Variants in PPP1R14C observed in about 807,000 individuals in gnomAD.
PPP1R14C encodes the protein protein phosphatase 1 regulatory subunit 14C.
Under a neutral mutation model 20.4 loss-of-function variants are expected in PPP1R14C, and 16 were observed. The observed-to-expected ratio is 0.78, with a 90% confidence interval of 0.53 to 1.19. The LOEUF is 1.19. PPP1R14C is among the 50% of genes most tolerant of loss of function. The pLI is 0.00. For synonymous variants in PPP1R14C, 91 were observed against 91.0 expected, an observed-to-expected ratio of 1.00 and a Z score of 0.00; for missense variants, 211 against 220.1, an observed-to-expected ratio of 0.96 and a Z score of 0.26.
chr6:150,191,391 C>T (rs1303724704), intron 1 of PPP1R14C, among the ~76,000 whole-genome samples: 2 of 152,336 alleles, frequency 1.3e-5, no homozygotes, highest in African/African-American at 2.4e-5. Context: ...ATATAGCAGA[C>T]ATTCAATAAG....
intron 3 of PPP1R14C, among the ~76,000 whole-genome samples, chr6:150,229,586 T>C (rs1261478744): frequency 3.3e-5 from 5 of 152,164 alleles, no homozygotes; most frequent in African/African-American, 7.2e-5. Flanking sequence ...ATAAAATAGA[T>C]TAATGGGACT....
At chr6:150,179,930 G>A (rs1259644419) in intron 1 of PPP1R14C, among the ~76,000 whole-genome samples, 6 of 152,172 alleles carry the variant, frequency 3.9e-5, no homozygotes, top group Non-Finnish European at 8.8e-5. Context: ...GGCCAGGCAC[G>A]GTGGCTCCGG....
intron 1 of PPP1R14C, among the ~76,000 whole-genome samples, chr6:150,174,766 C>T (rs1777542673): frequency 6.6e-6 from 1 of 151,332 alleles, no homozygotes; most frequent in Non-Finnish European, 1.5e-5. Context: ...AGTTCGAGAC[C>T]AGCCTGGCCA....
intron 3 of PPP1R14C, among the ~76,000 whole-genome samples, chr6:150,231,046 G>A (rs1242946314): frequency 6.6e-6 from 1 of 152,226 alleles, no homozygotes; most frequent in Non-Finnish European, 1.5e-5. Flanking sequence ...GAATATGAAA[G>A]TCATGGGCCC....
chr6:150,168,924 TG>T (rs1224075474), intron 1 of PPP1R14C, among the ~76,000 whole-genome samples: 1 of 152,248 alleles, frequency 6.6e-6, no homozygotes, highest in East Asian at 1.9e-4. Flanking sequence ...TAGCCCAAGC[TG>T]GAGTGCAGTG....
At position 150,189,064 on chromosome 6, in the gene PPP1R14C, G is replaced by T. The variant is rs558310116; in HGVS notation, c.307-25680G>T. Among the ~76,000 whole-genome samples, 3 of 151,726 alleles carry T rather than the reference G, an allele frequency of 2.0e-5. No homozygotes were observed. The South Asian group carries it at 6.3e-4, about 32-fold the overall frequency. Reference sequence around the variant, plus strand: ...AGTAGAGACAGGATTTTGCCATTTTGGTCAGGCTGGTCTCAAACTCCTGAC... The same window carrying T: ...AGTAGAGACAGGATTTTGCCATTTTTGTCAGGCTGGTCTCAAACTCCTGAC... On this transcript the variant is annotated intron_variant, in intron 1 of 3. Transcript: ENST00000361131.
At chr6:150,243,174 CTTTTTTTTT>C (rs574248701) in intron 3 of PPP1R14C, among the ~76,000 whole-genome samples, 1 of 129,292 alleles carries the variant, frequency 7.7e-6, no homozygotes, top group African/African-American at 2.9e-5. Flanking sequence ...TCTAAAATTC[CTTTTTTTTT>C]TTTTTTTTTT....
chr6:150,151,977 G>T (rs550103642), intron 1 of PPP1R14C, among the ~76,000 whole-genome samples: 29 of 151,964 alleles, frequency 1.9e-4, no homozygotes, highest in Non-Finnish European at 3.4e-4. Context: ...AAAATTAGCC[G>T]GGCGTAGTGG....
At chr6:150,180,059 G>A (rs1022419665) in intron 1 of PPP1R14C, among the ~76,000 whole-genome samples, 5 of 152,126 alleles carry the variant, frequency 3.3e-5, no homozygotes, top group East Asian at 1.9e-4. Flanking sequence ...AAAATTAGCC[G>A]GGAGTGGTGG....
intron 1 of PPP1R14C, among the ~76,000 whole-genome samples, chr6:150,203,514 C>G (rs1331402649): frequency 6.6e-6 from 1 of 152,196 alleles, no homozygotes; most frequent in Non-Finnish European, 1.5e-5. Context: ...ATCATCTTCT[C>G]AGGCTTCTGT....
chr6:150,151,854 C>G (rs1458035829), intron 1 of PPP1R14C, among the ~76,000 whole-genome samples: 1 of 152,140 alleles, frequency 6.6e-6, no homozygotes, highest in African/African-American at 2.4e-5. Flanking sequence ...GGCGCGGTGG[C>G]TCACGCCTGT....
At chr6:150,223,745 A>G (rs556205287) in intron 3 of PPP1R14C, among the ~76,000 whole-genome samples, 2 of 151,906 alleles carry the variant, frequency 1.3e-5, no homozygotes, top group African/African-American at 4.8e-5. Flanking sequence ...AATATTTTGG[A>G]TAATAGGCCT....
intron 2 of PPP1R14C, among the ~76,000 whole-genome samples, chr6:150,215,750 A>G (rs1232334444): frequency 6.6e-6 from 1 of 152,180 alleles, no homozygotes; most frequent in Non-Finnish European, 1.5e-5. Context: ...GAGTTTTCTT[A>G]AAATTGAGAA....
chr6:150,236,640 C>CGT (rs1384226143), intron 3 of PPP1R14C, among the ~76,000 whole-genome samples: 14 of 110,100 alleles, frequency 1.3e-4, no homozygotes, highest in Admixed American at 6.5e-4. Flanking sequence ...TGTGTGTGTG[C>CGT]GCGTGTGTGT....
In PPP1R14C at chr6:150,195,129, T is replaced by C. The variant is rs142497852; in HGVS notation, c.307-19615T>C. On this transcript the variant is annotated intron_variant, in intron 1 of 3. Coordinates refer to ENST00000361131, the MANE Select transcript of PPP1R14C (RefSeq NM_030949.3). ...ATGCAATTATGTGGGTTACTCTTATTCTTAACTTGAACATTTCAGAAAATG... is the reference window on the plus strand; with the variant it reads ...ATGCAATTATGTGGGTTACTCTTATCCTTAACTTGAACATTTCAGAAAATG... The C allele has an allele frequency of 6.1e-6, 6 of 984,436 alleles. No homozygotes were observed. In the African/African-American group the frequency reaches 1.0e-4, roughly 17 times the overall value. 61.0% of individuals were successfully genotyped at this position (984,436 alleles called of 1,614,324 possible). A position where few individuals can be genotyped will look rare whatever the true frequency, so the allele number is the denominator to read the frequency against.
chr6:150,206,841 T>A (rs189372274), intron 1 of PPP1R14C, among the ~76,000 whole-genome samples: 1 of 148,138 alleles, frequency 6.8e-6, no homozygotes, highest in Non-Finnish European at 1.5e-5. Context: ...TCAGGCTATT[T>A]TGATGTTTTT....
At chr6:150,167,804 C>T (rs906643103) in intron 1 of PPP1R14C, among the ~76,000 whole-genome samples, 1 of 152,104 alleles carries the variant, frequency 6.6e-6, no homozygotes, top group African/African-American at 2.4e-5. Flanking sequence ...CAAAGGCAGG[C>T]ACACGAGGAA....
chr6:150,237,788 C>G (rs1778381094), intron 3 of PPP1R14C, among the ~76,000 whole-genome samples: 1 of 152,152 alleles, frequency 6.6e-6, no homozygotes, highest in Non-Finnish European at 1.5e-5. Context: ...GAACCCAAGT[C>G]ATCTGACTCT....
intron 3 of PPP1R14C, among the ~76,000 whole-genome samples, chr6:150,234,044 A>G (rs761384614): frequency 5.3e-5 from 8 of 152,200 alleles, no homozygotes; most frequent in Non-Finnish European, 1.2e-4. Flanking sequence ...GCGAATTCCC[A>G]CGCAGACAGT....
Sources: allele counts gnomAD v4.1 joint callset (sites outside exome capture counted in the v4.1 genomes callset), GRCh38; gene constraint gnomAD v4.1.1; transcripts MANE v1.5; gene names NCBI Gene and HGNC (gene_info 2026-07-23, HGNC 2026-07-21).